The following SHANK2 variants were observed in gnomAD, a reference collection of about 807,000 sequenced individuals.
SHANK2 encodes the protein SH3 and multiple ankyrin repeat domains protein 2.
A neutral mutation model predicts 133.7 loss-of-function variants in SHANK2; 43 were observed. The observed-to-expected ratio is 0.32, with a 90% CI of 0.25 to 0.41. The LOEUF (loss-of-function observed/expected upper bound fraction) is 0.41, where lower values mean the gene tolerates loss of function less well. Among genes scored for constraint, SHANK2 ranks in the 10% least tolerant of loss-of-function variants. The probability of loss-of-function intolerance (pLI) is 1.00; values close to 1 mark genes in which losing one functional copy is unlikely to be tolerated. For missense variants in SHANK2, 1,994 were observed against 2,235.8 expected, an observed-to-expected ratio of 0.89 and a Z score of 2.18; for synonymous variants, 1,017 against 952.8, an observed-to-expected ratio of 1.07 and a Z score of -1.24.
intron 17 of SHANK2, among the ~76,000 whole-genome samples, chr11:70,505,831 C>T (rs377448677): frequency 6.6e-6 from 1 of 151,952 alleles, no homozygotes; most frequent in Admixed American, 6.5e-5. Flanking sequence ...GGGGATGTGG[C>T]CTCTGACTGC....
At position 70,812,192 on chromosome 11, in the gene SHANK2, C is replaced by T. The variant is rs545958076; in HGVS notation, c.1494-5021G>A. Among the ~76,000 whole-genome samples, 28 of 152,364 alleles carry T rather than the reference C, an allele frequency of 1.8e-4. No individual in the cohort carries two copies. In the South Asian group the frequency reaches 5.8e-3, roughly 32 times the overall value. Reference sequence around the variant, plus strand: ...AGTGAACACAGCTCCAACCTTGAAGCTCTGTTTCTTGATTCTCTTTGCAGG... The same window carrying T: ...AGTGAACACAGCTCCAACCTTGAAGTTCTGTTTCTTGATTCTCTTTGCAGG... On this transcript the variant is annotated intron_variant, in intron 12 of 25. Coordinates refer to ENST00000601538, the MANE Select transcript of SHANK2 (RefSeq NM_012309.5).
At chr11:70,906,681 T>C in intron 10 of SHANK2, among the ~76,000 whole-genome samples, 1 of 152,184 alleles carries the variant, frequency 6.6e-6, no homozygotes, top group East Asian at 1.9e-4. Flanking sequence ...TGGTGCTTCA[T>C]TTATTTCAGA....
intron 17 of SHANK2, among the ~76,000 whole-genome samples, chr11:70,636,587 CTG>C (rs1190204026): frequency 1.4e-4 from 16 of 113,566 alleles, no homozygotes; most frequent in African/African-American, 3.2e-4. Context: ...GAATGTGAGT[CTG>C]TGTGAGTGTA....
At chr11:71,168,456 T>C (rs1953234646) in intron 2 of SHANK2, among the ~76,000 whole-genome samples, 1 of 151,782 alleles carries the variant, frequency 6.6e-6, no homozygotes, top group African/African-American at 2.4e-5. Context: ...CTCGGCACCT[T>C]GGGAGGCCAA....
At chr11:70,760,962 T>C (rs1204954651) in intron 14 of SHANK2, among the ~76,000 whole-genome samples, 3 of 152,152 alleles carry the variant, frequency 2.0e-5, no homozygotes, top group Non-Finnish European at 4.4e-5. Context: ...CTGGAGGATG[T>C]GCTCAGGGAG....
chr11:70,849,295 A>G (rs1949048429), intron 11 of SHANK2, among the ~76,000 whole-genome samples: 1 of 152,194 alleles, frequency 6.6e-6, no homozygotes, highest in Non-Finnish European at 1.5e-5. Context: ...ATTAATATGT[A>G]TACACATGCA....
At chr11:70,933,196 G>A (rs757667338) in intron 10 of SHANK2, 9 of 456,566 alleles carry the variant, frequency 2.0e-5, no homozygotes, top group South Asian at 9.3e-5. Flanking sequence ...AAAAAGCAAC[G>A]AGATTCTGAC....
intron 14 of SHANK2, among the ~76,000 whole-genome samples, chr11:70,736,569 C>T (rs2134765985): frequency 6.6e-6 from 1 of 152,274 alleles, no homozygotes; most frequent in East Asian, 1.9e-4. Context: ...CTGGAGCCAC[C>T]AGGAGGTGGA....
chr11:70,915,574 C>G (rs1590828831), intron 10 of SHANK2, among the ~76,000 whole-genome samples: 1 of 152,236 alleles, frequency 6.6e-6, no homozygotes, highest in Middle Eastern at 3.4e-3. Context: ...CGAGCCCACC[C>G]GAGTGACATC....
intron 11 of SHANK2, among the ~76,000 whole-genome samples, chr11:70,846,339 C>T (rs1041985838): frequency 1.5e-4 from 23 of 152,204 alleles, no homozygotes; most frequent in Non-Finnish European, 3.1e-4. Context: ...TCTCAGCTCA[C>T]TGCAGCCTCA....
chr11:71,115,341 C>T (rs1353598743), intron 4 of SHANK2, among the ~76,000 whole-genome samples: 1 of 152,084 alleles, frequency 6.6e-6, no homozygotes, highest in Non-Finnish European at 1.5e-5. Flanking sequence ...TGGTGGTGGG[C>T]ACCTGTAATC....
At chr11:70,570,133 C>T (rs2060027446) in intron 17 of SHANK2, among the ~76,000 whole-genome samples, 1 of 152,148 alleles carries the variant, frequency 6.6e-6, no homozygotes, top group African/African-American at 2.4e-5. Context: ...AAGGCTTGAC[C>T]GAATGACAAG....
At chr11:70,755,558 C>A (rs12292049) in intron 14 of SHANK2, among the ~76,000 whole-genome samples, 14,726 of 152,288 alleles carry the variant, frequency 0.097, 915 homozygotes, top group South Asian at 0.28. Flanking sequence ...CAGCCCCGGC[C>A]CCGGCCTGCA....
intron 17 of SHANK2, among the ~76,000 whole-genome samples, chr11:70,560,372 G>C (rs1279576094): frequency 6.6e-5 from 10 of 151,870 alleles, no homozygotes; most frequent in Admixed American, 6.6e-4. Flanking sequence ...ATGGCTGAGA[G>C]AAATGGAAGA....
chr11:70,607,647 G>A (rs1554992886), intron 17 of SHANK2, among the ~76,000 whole-genome samples: 1 of 152,196 alleles, frequency 6.6e-6, no homozygotes, highest in Admixed American at 6.5e-5. Context: ...TGGCCTCCCT[G>A]TATACCCCTG....
At chr11:70,519,893 C>T (rs1248687045) in intron 17 of SHANK2, among the ~76,000 whole-genome samples, 1 of 151,102 alleles carries the variant, frequency 6.6e-6, no homozygotes, top group Admixed American at 6.6e-5. Flanking sequence ...CAGGCATGCA[C>T]CACCATGCCT....
At chr11:70,741,249 AT>A (rs1555034698) in intron 14 of SHANK2, among the ~76,000 whole-genome samples, 1 of 143,906 alleles carries the variant, frequency 6.9e-6, no homozygotes, top group African/African-American at 2.5e-5. Context: ...CCATCCATCC[AT>A]CCATCCATCC....
chr11:71,080,521 C>T (rs1215712379), intron 8 of SHANK2, among the ~76,000 whole-genome samples: 18 of 152,324 alleles, frequency 1.2e-4, no homozygotes, highest in East Asian at 1.9e-4. Flanking sequence ...GGGGAGGTCA[C>T]TGCACTGCAG....
chr11:70,607,526 G>A (rs2060594863), intron 17 of SHANK2, among the ~76,000 whole-genome samples: 1 of 152,190 alleles, frequency 6.6e-6, no homozygotes, highest in Admixed American at 6.5e-5. Context: ...GCACACACTG[G>A]CTCTAGGGCC....
Sources: gnomAD v4.1 joint callset for allele counts (sites outside exome capture counted in the v4.1 genomes callset) on GRCh38, gnomAD v4.1.1 for gene constraint, MANE v1.5 for transcripts, NCBI Gene and HGNC (gene_info 2026-07-23, HGNC 2026-07-21) for gene names.